Variants in PRRC2C observed in about 807,000 individuals in gnomAD.
PRRC2C encodes proline rich coiled-coil 2C, also known as protein PRRC2C.
Under a neutral mutation model 317.2 loss-of-function variants are expected in PRRC2C, and 72 were observed. That is an observed-to-expected ratio of 0.23 (90% CI 0.19 to 0.28). PRRC2C has a LOEUF of 0.28. Ranked by LOEUF, PRRC2C falls within the 10% of genes least tolerant of loss-of-function variation. The pLI is 1.00. For synonymous variants in PRRC2C, 1,296 were observed against 1,205.9 expected, an observed-to-expected ratio of 1.07 and a Z score of -1.55; for missense variants, 3,074 against 3,459.7, an observed-to-expected ratio of 0.89 and a Z score of 2.80.
rs79630110 is a variant in PRRC2C, at chr1:171,497,760, C to T, written c.-58+12025C>T. Among the ~76,000 whole-genome samples, 491 of 152,202 alleles carry T rather than the reference C, an allele frequency of 3.2e-3. 1 individual carries two copies. Among genetic ancestry groups the T allele is most frequent in the African/African-American group, 0.011 (449 of 41,508 alleles). On this transcript the variant is annotated intron_variant, in intron 1 of 34. Coordinates refer to ENST00000647382, the MANE Select transcript of PRRC2C (RefSeq NM_001387844.1). The stretch of plus-strand genomic sequence containing the variant: ...CTGGTATTACAGGTGTAAGCCACTG[C>T]GCGTGGCCCTAATCGGGTATTTTTA...
rs1262591087 is a variant in PRRC2C, at chr1:171,523,337, C to G, written c.950C>G (p.Ala317Gly). ...AAATTTGATAACCTAGATGCTGAAG[C>G]TGATGAAGGTTGGGCAGGTAAGAGG... ...LDKFDNLDAE[A>G]DEGWAGAQME... Residue 317 changes from alanine (A) to glycine (G), a missense_variant, in exon 8 of 35, where the codon GCT becomes GGT. Ala to Gly is a moderately conservative substitution (Grantham distance 60, BLOSUM62 0). Transcript: ENST00000647382. 6.2e-7 allele frequency: 1 copy of G among 1,613,906 alleles called. No homozygotes were observed.
chr1:171,589,100 C>T (rs914806577), intron 33 of PRRC2C, among the ~76,000 whole-genome samples: 4 of 152,208 alleles, frequency 2.6e-5, no homozygotes, highest in Non-Finnish European at 5.9e-5. Context: ...AAAAGTCTTT[C>T]TATCCCCCCT....
Position 171,571,480 on chromosome 1 carries a change from T to A in PRRC2C, c.6753+59T>A, listed in dbSNP as rs940275992. 8 of 1,268,536 alleles carry A rather than the reference T, an allele frequency of 6.3e-6. No homozygotes were observed. The African/African-American group carries it at 1.2e-4, about 19-fold the overall frequency. The allele number at this position is 1,268,536 out of a possible 1,614,324, so 78.6% of individuals were successfully genotyped here. ...TTGTTGCATGCAAGGGGACATAAGT[T>A]AACAATATTCGTGGGGTATTTTTAC... On this transcript the variant is annotated intron_variant, in intron 24 of 34. Transcript: ENST00000647382.
intron 3 of PRRC2C, 83 bp downstream of exon 3, chr1:171,513,255 T>C: frequency 2.3e-6 from 3 of 1,332,940 alleles, no homozygotes; most frequent in Non-Finnish European, 3.1e-6. Flanking sequence ...ATTTGCTAAG[T>C]GTTATGCTGT....
At chr1:171,550,809 A>T (rs530675569) in intron 18 of PRRC2C, among the ~76,000 whole-genome samples, 8 of 152,034 alleles carry the variant, frequency 5.3e-5, no homozygotes, top group African/African-American at 1.7e-4. Flanking sequence ...ATCCTTTTTT[A>T]TGGCTGCATA....
At chr1:171,504,205 C>T (rs1342378137) in intron 1 of PRRC2C, among the ~76,000 whole-genome samples, 1 of 152,170 alleles carries the variant, frequency 6.6e-6, no homozygotes, top group African/African-American at 2.4e-5. Context: ...AAAGTTCTTT[C>T]TCAGATCTAT....
At position 171,592,230 on chromosome 1, in the gene PRRC2C, G is replaced by A. The variant is rs1203217508; in HGVS notation, c.*383G>A. On this transcript the variant is annotated 3_prime_UTR_variant, in exon 35 of 35. Coordinates refer to ENST00000647382, the MANE Select transcript of PRRC2C (RefSeq NM_001387844.1). ...AGGAATAGCTCAGCCTGAACAGTGT[G>A]ATGGTCCCAGCTACTACATCAGATG... The A allele has an allele frequency of 1.2e-5, 2 of 169,512 alleles. No homozygotes were observed. Among genetic ancestry groups the A allele is most frequent in the Non-Finnish European group, 2.5e-5 (2 of 79,362 alleles). The allele number at this position is 169,512 out of a possible 1,614,324, so 10.5% of individuals were successfully genotyped here. A position where few individuals can be genotyped will look rare whatever the true frequency, so the allele number is the denominator to read the frequency against.
chr1:171,540,041 C>T lies in PRRC2C; in HGVS notation c.2575C>T (p.His859Tyr), dbSNP rs750086942. Residue 859 changes from histidine to tyrosine, a missense_variant, in exon 16 of 35, where the codon CAC becomes TAC. Physicochemically the swap from His to Tyr is moderately conservative, Grantham distance 83. Around this residue, in one of 11 missense-constraint regions of PRRC2C, gnomAD observed 1,320 missense variants for 1,395.7 expected, o/e 0.95. Coordinates refer to ENST00000647382, the MANE Select transcript of PRRC2C (RefSeq NM_001387844.1). ...YSVEHNQLEA[H>Y]PKADFIRESS... ...TGTAGAACATAATCAATTAGAGGCT[C>T]ACCCAAAGGCAGACTTTATCAGAGA... The T allele has an allele frequency of 1.1e-5, 17 of 1,613,806 alleles. No individual in the cohort carries two copies. The African/African-American group carries it at 2.1e-4, about 20-fold the overall frequency.
chr1:171,524,281 G>C (rs1214113185), intron 9 of PRRC2C, among the ~76,000 whole-genome samples: 2 of 152,110 alleles, frequency 1.3e-5, no homozygotes, highest in East Asian at 1.9e-4. Context: ...GAATATTGGA[G>C]CACCAGTCAG....
intron 1 of PRRC2C, among the ~76,000 whole-genome samples, chr1:171,508,694 ATTTTGAT>A: frequency 6.6e-6 from 1 of 152,154 alleles, no homozygotes; most frequent in Middle Eastern, 3.4e-3. Flanking sequence ...TTGACATTTT[ATTTTGAT>A]TTTTGTTTAG....
chr1:171,555,361 G>A (rs1315853480), intron 18 of PRRC2C, among the ~76,000 whole-genome samples: 1 of 152,116 alleles, frequency 6.6e-6, no homozygotes, highest in Non-Finnish European at 1.5e-5. Context: ...TTAGCCATTC[G>A]TCTAATCTTT....
At chr1:171,532,122 TACTC>T (rs1421130746) in intron 11 of PRRC2C, among the ~76,000 whole-genome samples, 1 of 152,244 alleles carries the variant, frequency 6.6e-6, no homozygotes, top group African/African-American at 2.4e-5. Flanking sequence ...AATAGGTACA[TACTC>T]AGTAAACATT....
chr1:171,574,392 T>G (rs1235732724), intron 24 of PRRC2C, among the ~76,000 whole-genome samples: 1 of 152,188 alleles, frequency 6.6e-6, no homozygotes, highest in African/African-American at 2.4e-5. Context: ...TTCTGCCATT[T>G]AAGAAACTAG....
At chr1:171,492,746 A>ATTTATTTT (rs1667398251) in intron 1 of PRRC2C, among the ~76,000 whole-genome samples, 1 of 149,488 alleles carries the variant, frequency 6.7e-6, no homozygotes, top group South Asian at 2.1e-4. Flanking sequence ...AATTTTATTT[A>ATTTATTTT]TTTATTTATT....
Position 171,515,774 on chromosome 1 carries a change from C to T in PRRC2C, c.441C>T (p.Ser147=). 6.2e-7 allele frequency: 1 copy of T among 1,610,750 alleles called. No individual in the cohort carries two copies. Among genetic ancestry groups the T allele is most frequent in the African/African-American group, 1.3e-5 (1 of 74,840 alleles). The change falls in exon 5 of 35, where the codon AGC becomes AGT. Residue 147 remains serine, a synonymous_variant. Transcript: ENST00000647382. The part of the protein sequence containing the change: ...VNSQFQQEFP[S]LQAAGDQEKK... ...GTCAGTTTCAGCAAGAATTTCCCAG[C>T]CTGCAGGCAGCTGGGGATCAGGAAA...
chr1:171,490,942 A>G (rs1272846937), intron 1 of PRRC2C, among the ~76,000 whole-genome samples: 1 of 152,218 alleles, frequency 6.6e-6, no homozygotes, highest in African/African-American at 2.4e-5. Context: ...AGTTTTAAAT[A>G]TATTGATTTG....
At chr1:171,514,270 G>A (rs1191531351) in intron 3 of PRRC2C, among the ~76,000 whole-genome samples, 1 of 151,568 alleles carries the variant, frequency 6.6e-6, no homozygotes, top group Non-Finnish European at 1.5e-5. Flanking sequence ...GTATGTGTGT[G>A]TGTGTGTGTG....
intron 18 of PRRC2C, among the ~76,000 whole-genome samples, chr1:171,552,618 T>C (rs1571960384): frequency 6.6e-6 from 1 of 152,166 alleles, no homozygotes; most frequent in African/African-American, 2.4e-5. Context: ...GTAGCTCTTA[T>C]TATTTTGAGA....
At chr1:171,538,623 A>AT (rs1294289312) in intron 15 of PRRC2C, among the ~76,000 whole-genome samples, 3 of 152,210 alleles carry the variant, frequency 2.0e-5, no homozygotes, top group Non-Finnish European at 4.4e-5. Context: ...CTAGGTGGAA[A>AT]TTACTGGTCT....
Sources: gnomAD v4.1 joint callset for allele counts (sites outside exome capture counted in the v4.1 genomes callset) on GRCh38, gnomAD v4.1.1 for gene constraint, gnomAD v4.1.1 regional missense constraint, MANE v1.5 for transcripts, NCBI Gene and HGNC (gene_info 2026-07-23, HGNC 2026-07-21) for gene names.